The following SND1 variants were observed in gnomAD, a reference collection of about 807,000 sequenced individuals.
SND1 encodes the protein staphylococcal nuclease domain-containing protein 1.
Under a neutral mutation model 121.7 loss-of-function variants are expected in SND1, and 38 were observed. The ratio of observed to expected loss-of-function variants is 0.31; its 90% CI spans 0.24 to 0.41. The LOEUF (loss-of-function observed/expected upper bound fraction) is 0.41, where lower values mean the gene tolerates loss of function less well. Ranked by LOEUF, SND1 falls within the 10% of genes least tolerant of loss-of-function variation. SND1 has a pLI of 1.00. For missense variants in SND1, 868 were observed against 1,184.6 expected (o/e 0.73, Z 3.92); for synonymous variants, 401 against 447.4 (o/e 0.90, Z 1.31).
chr7:127,819,400 A>G (rs544096395), intron 11 of SND1, among the ~76,000 whole-genome samples: 25 of 152,222 alleles, frequency 1.6e-4, no homozygotes, highest in African/African-American at 5.3e-4. Context: ...ACTTTTTTCT[A>G]CCCTCTAAAA....
intron 1 of SND1, among the ~76,000 whole-genome samples, chr7:127,675,560 C>G (rs964333987): frequency 1.3e-5 from 2 of 152,092 alleles, no homozygotes; most frequent in Admixed American, 1.3e-4. Flanking sequence ...CAGAAATGTT[C>G]CTTTCTGAAG....
chr7:128,058,162 A>T (rs1038924630), intron 16 of SND1, among the ~76,000 whole-genome samples: 1 of 152,264 alleles, frequency 6.6e-6, no homozygotes, highest in Non-Finnish European at 1.5e-5. Context: ...TGGGCTATGC[A>T]TCAGCCAAAG....
At chr7:127,942,623 C>T (rs1311771464) in intron 15 of SND1, among the ~76,000 whole-genome samples, 1 of 152,172 alleles carries the variant, frequency 6.6e-6, no homozygotes, top group Admixed American at 6.5e-5. Flanking sequence ...TCTCTGAGTT[C>T]TGTTGCAGAG....
At chr7:127,774,928 A>G (rs1023806472) in intron 10 of SND1, among the ~76,000 whole-genome samples, 2 of 152,164 alleles carry the variant, frequency 1.3e-5, no homozygotes, top group African/African-American at 4.8e-5. Flanking sequence ...GTTTAGTTAC[A>G]CAAATACTCA....
intron 16 of SND1, among the ~76,000 whole-genome samples, chr7:128,025,938 C>G (rs921311880): frequency 2.6e-5 from 4 of 152,054 alleles, no homozygotes; most frequent in African/African-American, 9.7e-5. Flanking sequence ...TTCTGTACCT[C>G]TCCCCTCAGA....
In SND1 at chr7:127,858,382, T is replaced by C. The variant is rs1799321427; in HGVS notation, c.1343+13958T>C. 3.0e-6 allele frequency: 4 copies of C among 1,339,222 alleles called. No individual in the cohort carries two copies. The South Asian group carries it at 3.7e-5, about 13-fold the overall frequency. The allele number at this position is 1,339,222 out of a possible 1,614,324, so 83.0% of individuals were successfully genotyped here. A position where few individuals can be genotyped will look rare whatever the true frequency, so the allele number is the denominator to read the frequency against. On this transcript the variant is annotated intron_variant, in intron 12 of 23. Coordinates refer to ENST00000354725, the MANE Select transcript of SND1 (RefSeq NM_014390.4). The stretch of plus-strand genomic sequence containing the variant: ...CCCTAGCCACTGTCTCTCTAGGCAA[T>C]AGGAGCTCCAAAAGTCCCTCCAAGA...
intron 15 of SND1, among the ~76,000 whole-genome samples, chr7:127,983,363 G>T (rs919482228): frequency 6.6e-6 from 1 of 152,102 alleles, no homozygotes; most frequent in African/African-American, 2.4e-5. Context: ...ATGACTCCAG[G>T]GGACCAAGTG....
chr7:127,900,975 T>G (rs1346257081), intron 13 of SND1, among the ~76,000 whole-genome samples: 1 of 152,194 alleles, frequency 6.6e-6, no homozygotes, highest in Non-Finnish European at 1.5e-5. Context: ...AGGAGAAGTT[T>G]AGAAGTCAGG....
At chr7:127,662,898 T>A (rs978450297) in intron 1 of SND1, among the ~76,000 whole-genome samples, 4 of 149,842 alleles carry the variant, frequency 2.7e-5, no homozygotes, top group Non-Finnish European at 3.0e-5. Context: ...ATCTTTTTTT[T>A]TTTTTTTTTT....
chr7:127,768,405 G>C (rs1330895859), intron 10 of SND1, among the ~76,000 whole-genome samples: 2 of 152,166 alleles, frequency 1.3e-5, no homozygotes, highest in African/African-American at 2.4e-5. Context: ...CACCAAACTT[G>C]CTTTGTTATG....
At chr7:128,040,363 G>T (rs1792830552) in intron 16 of SND1, among the ~76,000 whole-genome samples, 1 of 146,754 alleles carries the variant, frequency 6.8e-6, no homozygotes, top group African/African-American at 2.5e-5. Context: ...AGCCTGGGAG[G>T]AGGAGGTTGC....
chr7:127,857,008 G>T (rs1386544077), intron 12 of SND1, among the ~76,000 whole-genome samples: 1 of 152,074 alleles, frequency 6.6e-6, no homozygotes, highest in East Asian at 1.9e-4. Flanking sequence ...AGTCTTTGTA[G>T]TGGCTTACTG....
At chr7:127,949,580 T>C (rs1801413958) in intron 15 of SND1, among the ~76,000 whole-genome samples, 1 of 152,250 alleles carries the variant, frequency 6.6e-6, no homozygotes, top group Non-Finnish European at 1.5e-5. Flanking sequence ...AAGCATCTCA[T>C]ACAGTATGTG....
At chr7:128,081,265 G>A (rs1793597032) in intron 17 of SND1, 95 bp from the exon 18 acceptor site, 3 of 1,505,296 alleles carry the variant, frequency 2.0e-6, no homozygotes, top group Non-Finnish European at 2.7e-6. Context: ...CAAAGTGCTG[G>A]GATTACAGGC....
chr7:128,070,223 AC>A (rs1051710262), intron 16 of SND1, among the ~76,000 whole-genome samples: 2 of 151,778 alleles, frequency 1.3e-5, no homozygotes, highest in Admixed American at 6.6e-5. Context: ...CTCGGGAGGT[AC>A]CCCCCTCCCC....
chr7:128,035,234 G>A (rs1362837086), intron 16 of SND1, among the ~76,000 whole-genome samples: 2 of 152,218 alleles, frequency 1.3e-5, no homozygotes, highest in Non-Finnish European at 2.9e-5. Context: ...TCAAGGAAAT[G>A]GATTAGAAAG....
At chr7:127,976,148 C>T (rs915495808) in intron 15 of SND1, among the ~76,000 whole-genome samples, 3 of 152,342 alleles carry the variant, frequency 2.0e-5, no homozygotes, top group Admixed American at 6.5e-5. Context: ...GAACCCTGGT[C>T]GGGGAATGTG....
At position 128,021,859 on chromosome 7, in the gene SND1, C is replaced by A. The variant is rs115016371; in HGVS notation, c.1779+30803C>A. Among the ~76,000 whole-genome samples, 260 of 152,192 alleles carry A rather than the reference C, an allele frequency of 1.7e-3. 2 individuals carry two copies. The highest frequency in any genetic ancestry group is 6.0e-3 in the African/African-American group (249 of 41,518). On this transcript the variant is annotated intron_variant, in intron 16 of 23. Transcript: ENST00000354725. ...CAAATGGGGAATATGGGACAGGAAA[C>A]CTGATACAATAATTAATTGAAGGGT...
intron 12 of SND1, among the ~76,000 whole-genome samples, chr7:127,852,805 G>A (rs1799195129): frequency 7.2e-6 from 1 of 138,146 alleles, no homozygotes; most frequent in Admixed American, 7.2e-5. Flanking sequence ...AGCGAGACTT[G>A]GTCTCAAAAA....
Sources: gnomAD v4.1 joint callset for allele counts (sites outside exome capture counted in the v4.1 genomes callset) on GRCh38, gnomAD v4.1.1 for gene constraint, MANE v1.5 for transcripts, NCBI Gene and HGNC (gene_info 2026-07-23, HGNC 2026-07-21) for gene names.